Variants in DGKB observed in about 807,000 individuals in gnomAD.
DGKB encodes the protein 90 kDa diacylglycerol kinase.
Under a neutral mutation model 114.3 loss-of-function variants are expected in DGKB, and 67 were observed. That is an observed-to-expected ratio of 0.59 (90% CI 0.48 to 0.72). DGKB has a LOEUF of 0.72. DGKB is among the 30% of genes least tolerant of loss of function. DGKB has a pLI of 0.00. For missense variants in DGKB, 907 were observed against 975.2 expected (o/e 0.93, Z 0.93); for synonymous variants, 398 against 323.1 (o/e 1.23, Z -2.49).
intron 2 of DGKB, among the ~76,000 whole-genome samples, chr7:14,782,796 A>G (rs10236189): frequency 0.38 from 57,619 of 151,910 alleles, 15,833 homozygotes; most frequent in African/African-American, 0.77. Context: ...TAAGGAGGCT[A>G]GTGTGATTGT....
At chr7:14,158,417 CAGAG>C (rs1269386688) in intron 25 of DGKB, among the ~76,000 whole-genome samples, 5 of 152,178 alleles carry the variant, frequency 3.3e-5, no homozygotes, top group African/African-American at 4.8e-5. Flanking sequence ...TACTAACCAT[CAGAG>C]AGCATAATTA....
chr7:14,292,184 A>T (rs1423846860), intron 23 of DGKB, among the ~76,000 whole-genome samples: 1 of 152,204 alleles, frequency 6.6e-6, no homozygotes, highest in African/African-American at 2.4e-5. Flanking sequence ...TTTAAGGTTT[A>T]AATTCAAGTG....
At chr7:14,668,257 C>A (rs1818377776) in intron 13 of DGKB, among the ~76,000 whole-genome samples, 1 of 151,980 alleles carries the variant, frequency 6.6e-6, no homozygotes, top group Admixed American at 6.6e-5. Flanking sequence ...AGTAAAGAGA[C>A]AGGATTAAGA....
intron 23 of DGKB, among the ~76,000 whole-genome samples, chr7:14,188,013 G>A (rs1327264549): frequency 6.6e-6 from 1 of 151,810 alleles, no homozygotes; most frequent in Non-Finnish European, 1.5e-5. Context: ...AATAAAAAAA[G>A]AACCAAGCGG....
At chr7:14,283,818 A>G (rs1257521562) in intron 23 of DGKB, among the ~76,000 whole-genome samples, 10 of 152,106 alleles carry the variant, frequency 6.6e-5, no homozygotes, top group Admixed American at 6.6e-4. Context: ...CATATGCAGA[A>G]AGCTGAAACT....
Position 14,970,158 on chromosome 7 carries a change from C to A in DGKB, c.-188+4538G>T, listed in dbSNP as rs558266381. Among the ~76,000 whole-genome samples, 10 of 152,222 alleles carry A rather than the reference C, an allele frequency of 6.6e-5. No homozygotes were observed. The East Asian group carries it at 1.9e-3, about 29-fold the overall frequency. ...ACATGACTTCAATCATTCATTATTT[C>A]ATTTGCTGAAAAAATATTAAAAGTT... On this transcript the variant is annotated intron_variant, in intron 1 of 4. Transcript: ENST00000437998.
upstream of DGKB, among the ~76,000 whole-genome samples, chr7:14,905,469 T>C (rs139803925): frequency 4.3e-3 from 662 of 152,248 alleles, 7 homozygotes; most frequent in Non-Finnish European, 5.3e-3. Context: ...AAGATGCTTC[T>C]CTGCTCCCAT....
At chr7:14,603,384 T>C (rs564231240) in intron 17 of DGKB, among the ~76,000 whole-genome samples, 113 of 152,222 alleles carry the variant, frequency 7.4e-4, no homozygotes, top group African/African-American at 2.6e-3. Flanking sequence ...TCCTTAGCCT[T>C]TTGAGGATTC....
intron 1 of DGKB, among the ~76,000 whole-genome samples, chr7:14,851,928 T>C (rs1412283040): frequency 2.6e-5 from 4 of 152,150 alleles, no homozygotes; most frequent in Admixed American, 2.6e-4. Flanking sequence ...AGTAGCCCCA[T>C]TCTCCAACCT....
intron 1 of DGKB, among the ~76,000 whole-genome samples, chr7:14,852,999 C>T (rs1476495039): frequency 1.3e-5 from 2 of 152,126 alleles, no homozygotes; most frequent in Non-Finnish European, 2.9e-5. Flanking sequence ...ATTATAAATT[C>T]AGTAACGAGC....
intron 1 of DGKB, among the ~76,000 whole-genome samples, chr7:14,930,743 T>C (rs1014361596): frequency 2.0e-5 from 3 of 152,126 alleles, no homozygotes; most frequent in Non-Finnish European, 4.4e-5. Context: ...CAGTAGTATG[T>C]TAAATAGGAG....
At chr7:14,400,298 G>T (rs1281462763) in intron 21 of DGKB, among the ~76,000 whole-genome samples, 5 of 151,792 alleles carry the variant, frequency 3.3e-5, no homozygotes, top group African/African-American at 7.2e-5. Flanking sequence ...GAGAAGTTAA[G>T]CAGTGATTCC....
intron 16 of DGKB, among the ~76,000 whole-genome samples, 185 bp downstream of exon 16, chr7:14,613,155 G>A (rs1296470672): frequency 1.3e-5 from 2 of 151,916 alleles, no homozygotes; most frequent in African/African-American, 4.8e-5. Flanking sequence ...AGTTACAAAA[G>A]GCCATTGTAT....
chr7:14,810,164 T>C (rs1410591208), intron 2 of DGKB, among the ~76,000 whole-genome samples: 2 of 152,204 alleles, frequency 1.3e-5, no homozygotes, highest in Admixed American at 6.5e-5. Context: ...AACTAGGAAA[T>C]ATGATCCTTA....
intron 23 of DGKB, among the ~76,000 whole-genome samples, chr7:14,196,236 AAC>A (rs1785006629): frequency 1.3e-5 from 2 of 152,112 alleles, no homozygotes; most frequent in African/African-American, 4.8e-5. Flanking sequence ...GAAAGCACTA[AAC>A]ACACTTTCCT....
chr7:14,659,180 G>A (rs6977116), intron 13 of DGKB, among the ~76,000 whole-genome samples: 1 of 151,940 alleles, frequency 6.6e-6, no homozygotes, highest in African/African-American at 2.4e-5. Context: ...TATAACAAGA[G>A]AGTGTATTCC....
chr7:14,660,577 A>AT (rs552269427), intron 13 of DGKB, among the ~76,000 whole-genome samples: 3,555 of 151,866 alleles, frequency 0.023, 55 homozygotes, highest in South Asian at 0.039. Context: ...CCCCTTTATC[A>AT]TTTTTATTGC....
intron 2 of DGKB, among the ~76,000 whole-genome samples, chr7:14,769,127 G>GGAA: frequency 1.6e-5 from 1 of 63,550 alleles, no homozygotes; most frequent in South Asian, 5.3e-4. Flanking sequence ...GAAAGAAAGA[G>GGAA]AGAGAGAGAA....
intron 23 of DGKB, among the ~76,000 whole-genome samples, chr7:14,240,743 G>A (rs553939517): frequency 5.3e-5 from 8 of 152,190 alleles, no homozygotes; most frequent in South Asian, 4.1e-4. Context: ...CTTGCTCTCT[G>A]TTGCTGTCTT....
Sources: gnomAD v4.1 joint callset for allele counts (sites outside exome capture counted in the v4.1 genomes callset) on GRCh38, gnomAD v4.1.1 for gene constraint, MANE v1.5 for transcripts, NCBI Gene and HGNC (gene_info 2026-07-23, HGNC 2026-07-21) for gene names.